The following PIK3C2G variants were observed in gnomAD, a reference collection of about 807,000 sequenced individuals.
PIK3C2G encodes the protein phosphatidylinositol 3-kinase C2 domain-containing subunit gamma.
A neutral mutation model predicts 181.1 loss-of-function variants in PIK3C2G; 168 were observed. That is an observed-to-expected ratio of 0.93 (90% CI 0.82 to 1.05). The LOEUF (loss-of-function observed/expected upper bound fraction) is 1.05, where lower values mean the gene tolerates loss of function less well. PIK3C2G is among the 50% of genes least tolerant of loss of function. The probability of loss-of-function intolerance (pLI) is 0.00; values close to 1 mark genes in which losing one functional copy is unlikely to be tolerated. For synonymous variants in PIK3C2G, 573 were observed against 592.2 expected, an observed-to-expected ratio of 0.97 and a Z score of 0.47; for missense variants, 1,869 against 1,732.8, an observed-to-expected ratio of 1.08 and a Z score of -1.40.
At chr12:18,387,007 A>G (rs1232075893) in intron 14 of PIK3C2G, among the ~76,000 whole-genome samples, 2 of 152,142 alleles carry the variant, frequency 1.3e-5, no homozygotes, top group Non-Finnish European at 2.9e-5. Context: ...TGGCAGCTTC[A>G]AACGAAACAT....
At chr12:18,657,638 T>C in the PIK3C2G span, among the ~76,000 whole-genome samples, 1 of 152,108 alleles carries the variant, frequency 6.6e-6, no homozygotes, top group African/African-American at 2.4e-5. Context: ...ATACATACTT[T>C]AAAAAATCAG....
At chr12:18,248,377 C>A (rs1386740028) in intron 1 of PIK3C2G, among the ~76,000 whole-genome samples, 2 of 152,172 alleles carry the variant, frequency 1.3e-5, no homozygotes, top group Middle Eastern at 6.8e-3. Context: ...TCGAGACCAT[C>A]CTAGCTAACA....
intron 1 of PIK3C2G, among the ~76,000 whole-genome samples, chr12:18,253,232 T>C (rs73056458): frequency 0.035 from 5,256 of 151,808 alleles, 160 homozygotes; most frequent in Middle Eastern, 0.096. Context: ...TTGTCTCCAG[T>C]TGGCAAGAAA....
At chr12:18,392,472 T>C (rs1345974203) in intron 15 of PIK3C2G, among the ~76,000 whole-genome samples, 1 of 152,176 alleles carries the variant, frequency 6.6e-6, no homozygotes, top group Non-Finnish European at 1.5e-5. Flanking sequence ...AATGTGCTAG[T>C]CCTGCTCCCA....
chr12:18,665,600 C>A, the PIK3C2G span, among the ~76,000 whole-genome samples: 1 of 152,044 alleles, frequency 6.6e-6, no homozygotes, highest in Non-Finnish European at 1.5e-5. Flanking sequence ...GGAGACTAGC[C>A]TGACCAACAT....
chr12:18,670,875 T>C, the PIK3C2G span, among the ~76,000 whole-genome samples: 10 of 152,028 alleles, frequency 6.6e-5, no homozygotes, highest in Non-Finnish European at 1.3e-4. Context: ...ATTGGAAAAA[T>C]TATTTAAGAA....
chr12:18,343,349 C>T lies in PIK3C2G; in HGVS notation c.1418C>T (p.Thr473Ile). The T allele has an allele frequency of 1.5e-6, 2 of 1,362,288 alleles. No individual in the cohort carries two copies. Among genetic ancestry groups the T allele is most frequent in the South Asian group, 1.3e-5 (1 of 76,864 alleles). The allele number at this position is 1,362,288 out of a possible 1,614,324, so 84.4% of individuals were successfully genotyped here. ...KGENFYQSSE[T>I]SAKGLIEKVT... is the part of the protein sequence containing the mutation. ...CAGAATTTTTATCAAAGTTCAGAGACTTCAGCAAAAGGTAAAACATACATG... is the reference window on the plus strand; with the variant it reads ...CAGAATTTTTATCAAAGTTCAGAGATTTCAGCAAAAGGTAAAACATACATG... Residue 473 changes from threonine (T) to isoleucine (I), a missense_variant, in exon 10 of 33, where the codon ACT (threonine) becomes ATT (isoleucine). Transcript: ENST00000538779.
intron 30 of PIK3C2G, among the ~76,000 whole-genome samples, chr12:18,608,787 T>C (rs1948190521): frequency 6.6e-6 from 1 of 152,126 alleles, no homozygotes; most frequent in South Asian, 2.1e-4. Context: ...ATTTAGACCT[T>C]TTTTCATAAG....
intron 1 of PIK3C2G, among the ~76,000 whole-genome samples, chr12:18,255,149 G>A (rs1271156573): frequency 6.6e-6 from 1 of 151,380 alleles, no homozygotes; most frequent in Non-Finnish European, 1.5e-5. Context: ...TCAGGAAGTG[G>A]AGATTGCGGT....
chr12:18,281,408 A>G (rs1949213453), intron 1 of PIK3C2G, among the ~76,000 whole-genome samples: 1 of 152,052 alleles, frequency 6.6e-6, no homozygotes, highest in Non-Finnish European at 1.5e-5. Context: ...GAAGAGATAA[A>G]TTCAAAAAGG....
At chr12:18,412,591 A>G (rs1944924506) in intron 16 of PIK3C2G, among the ~76,000 whole-genome samples, 1 of 152,160 alleles carries the variant, frequency 6.6e-6, no homozygotes, top group Non-Finnish European at 1.5e-5. Context: ...TATTCTTTTC[A>G]GAAATATATT....
intron 6 of PIK3C2G, among the ~76,000 whole-genome samples, chr12:18,318,791 G>A (rs1323598071): frequency 6.9e-6 from 1 of 145,288 alleles, no homozygotes. Context: ...CAAGAAAGTT[G>A]TTCTAAAAAA....
chr12:18,725,329 G>T, the PIK3C2G span, among the ~76,000 whole-genome samples: 5 of 152,074 alleles, frequency 3.3e-5, no homozygotes, highest in Non-Finnish European at 7.4e-5. Context: ...CAATTTGAGT[G>T]CTGAGGCACG....
At chr12:18,700,731 T>C in the PIK3C2G span, among the ~76,000 whole-genome samples, 1 of 152,094 alleles carries the variant, frequency 6.6e-6, no homozygotes, top group African/African-American at 2.4e-5. Context: ...CACTGAACTT[T>C]TCATCTATGT....
intron 11 of PIK3C2G, chr12:18,358,319 T>C (rs888913289): frequency 6.5e-6 from 1 of 153,340 alleles, no homozygotes; most frequent in African/African-American, 2.4e-5. Flanking sequence ...CAAGCTGGGA[T>C]GCTTACCCAT....
rs373050528 is a variant in PIK3C2G, at chr12:18,470,010, G to A, written c.2505-18439G>A. On this transcript the variant is annotated intron_variant, in intron 18 of 32. Transcript: ENST00000538779. ...AGAGTCATATCTAAAGTTTACCTGA[G>A]AGTTAAACTTCAGTATACTTTATTT... Among the ~76,000 whole-genome samples, 89 of 151,304 alleles carry A rather than the reference G, an allele frequency of 5.9e-4. No individual in the cohort carries two copies. The Middle Eastern group carries it at 0.01, about 17-fold the overall frequency.
At chr12:18,687,955 G>T in the PIK3C2G span, 1 of 1,147,138 alleles carries the variant, frequency 8.7e-7, no homozygotes, top group Non-Finnish European at 1.2e-6. Context: ...ATAACATTTT[G>T]CTAATTTTGG....
chr12:18,548,024 AC>A (rs1944525570), intron 26 of PIK3C2G, among the ~76,000 whole-genome samples: 1 of 151,960 alleles, frequency 6.6e-6, no homozygotes, highest in African/African-American at 2.4e-5. Flanking sequence ...AGCTCCAGGG[AC>A]CACATCAGCA....
chr12:18,695,626 T>C, the PIK3C2G span, among the ~76,000 whole-genome samples: 1 of 151,808 alleles, frequency 6.6e-6, no homozygotes, highest in Non-Finnish European at 1.5e-5. Context: ...CCTACAGGCC[T>C]TGCCACAATC....
Sources: gnomAD v4.1 joint callset for allele counts (sites outside exome capture counted in the v4.1 genomes callset) on GRCh38, gnomAD v4.1.1 for gene constraint, MANE v1.5 for transcripts, NCBI Gene and HGNC (gene_info 2026-07-23, HGNC 2026-07-21) for gene names.